UBR1: variants seen among roughly 807,000 people sequenced by gnomAD.
The protein encoded by UBR1 is E3 ubiquitin-protein ligase UBR1.
UBR1 carries 102 observed loss-of-function variants against 242.1 expected under a neutral mutation model. The observed-to-expected ratio is 0.42, with a 90% CI of 0.36 to 0.50. The LOEUF (loss-of-function observed/expected upper bound fraction) is 0.50. UBR1 is among the 20% of genes least tolerant of loss of function. The pLI is 0.01. For missense variants in UBR1, 1,772 were observed against 2,101.8 expected (o/e 0.84, Z 3.07); for synonymous variants, 675 against 684.8 (o/e 0.99, Z 0.22).
intron 7 of UBR1, 103 bp downstream of exon 7, chr15:43,059,936 GCATCTAGGTGCCC>G: frequency 6.5e-7 from 1 of 1,540,730 alleles, no homozygotes. Context: ...CCAAATCTCT[GCATCTAGGTGCCC>G]CAAACCACTT....
Position 42,989,099 on chromosome 15 carries a change from G to A in UBR1, c.3849-132C>T, listed in dbSNP as rs186045271. 140 of 741,304 alleles carry A rather than the reference G, an allele frequency of 1.9e-4. No homozygotes were observed. The African/African-American group carries it at 2.1e-3, about 11-fold the overall frequency. 45.9% of individuals were successfully genotyped at this position (741,304 alleles called of 1,614,324 possible). On this transcript the variant is annotated intron_variant, in intron 34 of 46. Coordinates refer to ENST00000290650, the MANE Select transcript of UBR1 (RefSeq NM_174916.3). ...AAGTAAACTGCTCTTTGCCAAATTA[G>A]AGATTAGAGCCTCCAAAGATTTATT...
At chr15:42,976,085 G>T (rs2032284293) in intron 39 of UBR1, among the ~76,000 whole-genome samples, 1 of 152,136 alleles carries the variant, frequency 6.6e-6, no homozygotes, top group Non-Finnish European at 1.5e-5. Context: ...CCATAATGTT[G>T]TATTACTAAT....
At chr15:42,975,386 T>C (rs1041187987) in intron 39 of UBR1, among the ~76,000 whole-genome samples, 7 of 152,232 alleles carry the variant, frequency 4.6e-5, no homozygotes, top group African/African-American at 1.7e-4. Context: ...TTTCATTATA[T>C]GGTACATCAT....
chr15:43,050,082 G>A (rs960087734), intron 12 of UBR1, among the ~76,000 whole-genome samples: 11 of 151,926 alleles, frequency 7.2e-5, no homozygotes, highest in Non-Finnish European at 1.5e-4. Flanking sequence ...CTCCTCAGTA[G>A]CTAAGACTAC....
At chr15:43,035,994 G>A (rs1276335400) in intron 19 of UBR1, among the ~76,000 whole-genome samples, 184 bp downstream of exon 19, 5 of 151,880 alleles carry the variant, frequency 3.3e-5, no homozygotes, top group Non-Finnish European at 4.4e-5. Flanking sequence ...ACGAGTTAGT[G>A]GGTGCAGCGC....
rs2033514812 is a variant in UBR1, at chr15:43,048,594, C to A, written c.1440-103G>T. Reference sequence around the variant, plus strand: ...TGTTGATTTATAAAAATTATGGATTCTAATTTCTCACAATAATTAGAAGCT... The same window carrying A: ...TGTTGATTTATAAAAATTATGGATTATAATTTCTCACAATAATTAGAAGCT... On this transcript the variant is annotated intron_variant, in intron 12 of 46. Coordinates refer to ENST00000290650, the MANE Select transcript of UBR1 (RefSeq NM_174916.3). 28 of 883,602 alleles carry A rather than the reference C, an allele frequency of 3.2e-5. 1 individual carries two copies. In the South Asian group the frequency reaches 4.1e-4, roughly 13 times the overall value. 54.7% of individuals were successfully genotyped at this position (883,602 alleles called of 1,614,324 possible).
At chr15:43,085,265 AG>A (rs1319430493) in intron 2 of UBR1, among the ~76,000 whole-genome samples, 1 of 152,262 alleles carries the variant, frequency 6.6e-6, no homozygotes, top group East Asian at 1.9e-4. Flanking sequence ...GATTTCTTAA[AG>A]AAAGATTGTG....
At chr15:43,020,121 T>A (rs2033089484) in intron 27 of UBR1, among the ~76,000 whole-genome samples, 1 of 151,460 alleles carries the variant, frequency 6.6e-6, no homozygotes, top group African/African-American at 2.4e-5. Context: ...CTCACCGCAA[T>A]CTCCACCTCC....
At chr15:43,067,656 G>A (rs1000693209) in intron 6 of UBR1, among the ~76,000 whole-genome samples, 1 of 152,116 alleles carries the variant, frequency 6.6e-6, no homozygotes, top group East Asian at 1.9e-4. Context: ...TCTTACCTAC[G>A]CTTTGCCAAA....
intron 1 of UBR1, among the ~76,000 whole-genome samples, chr15:43,088,942 A>G (rs1273778600): frequency 1.3e-5 from 2 of 151,568 alleles, no homozygotes; most frequent in East Asian, 3.9e-4. Flanking sequence ...CGGGCGGATC[A>G]CTTGAGGTTA....
chr15:43,105,841 C>G, intron 1 of UBR1, 101 bp downstream of exon 1: 3 of 1,174,894 alleles, frequency 2.6e-6, no homozygotes, highest in Non-Finnish European at 2.5e-6. Flanking sequence ...GATAACTCCC[C>G]CTCCCCAGAG....
rs1289235975 is a variant in UBR1 at position 43,059,176 on chromosome 15, G to T, written c.1002C>A (p.Ile334=). ...CTTCTCTAAGGCATGCTTGGCAAAA[G>T]ATCTGCCTAAAGTCACCTACAAACA... ...IMSYSSDFRQ[I]FCQACLREEP... The change falls in exon 9 of 47, where the codon ATC becomes ATA. Residue 334 remains isoleucine, a synonymous_variant. Transcript: ENST00000290650. The T allele has an allele frequency of 1.2e-6, 2 of 1,614,026 alleles. No individual in the cohort carries two copies. Among genetic ancestry groups the T allele is most frequent in the Non-Finnish European group, 8.5e-7 (1 of 1,179,982 alleles).
Position 43,063,685 on chromosome 15 carries a change from TA to T in UBR1, c.799-3572del, listed in dbSNP as rs1454382898. 2.4e-4 allele frequency among the ~76,000 whole-genome samples: 36 copies of T among 151,014 alleles called. No individual in the cohort carries two copies. In the Admixed American group the frequency reaches 2.4e-3, roughly 10 times the overall value. ...AAAATATGAACTTTAAAAAGAGCAC[TA>T]TTACATCTTTAAATTTTTTCAGAAT... On this transcript the variant is annotated intron_variant, in intron 6 of 46. Coordinates refer to ENST00000290650, the MANE Select transcript of UBR1 (RefSeq NM_174916.3).
chr15:43,047,022 A>G (rs1341596788), intron 14 of UBR1, 139 bp downstream of exon 14: 10 of 1,076,160 alleles, frequency 9.3e-6, no homozygotes, highest in Non-Finnish European at 1.3e-5. Flanking sequence ...CCTAAATTTA[A>G]AAAGAGAAAT....
intron 36 of UBR1, 133 bp from the exon 37 acceptor site, chr15:42,984,126 T>C (rs961792623): frequency 5.8e-6 from 3 of 514,720 alleles, no homozygotes; most frequent in Admixed American, 3.7e-5. Flanking sequence ...CCTTATATCA[T>C]TGCAAATAAA....
In UBR1 at chr15:42,945,178, C is replaced by A. The variant is rs2031711237; in HGVS notation, c.*151G>T. On this transcript the variant is annotated 3_prime_UTR_variant, in exon 47 of 47. Coordinates refer to ENST00000290650, the MANE Select transcript of UBR1 (RefSeq NM_174916.3). Reference sequence around the variant, plus strand: ...ATGTTTGCTAATTGAAAGCAATACTCCATTAAGAAATATTTTATTGATGTA... The same window carrying A: ...ATGTTTGCTAATTGAAAGCAATACTACATTAAGAAATATTTTATTGATGTA... The A allele has an allele frequency of 2.0e-6, 2 of 1,015,292 alleles. No homozygotes were observed. The highest frequency in any genetic ancestry group is 1.4e-5 in the South Asian group (1 of 70,022). The allele number at this position is 1,015,292 out of a possible 1,614,324, so 62.9% of individuals were successfully genotyped here.
At chr15:42,979,114 C>T (rs982308710) in intron 37 of UBR1, among the ~76,000 whole-genome samples, 3 of 151,676 alleles carry the variant, frequency 2.0e-5, no homozygotes, top group Non-Finnish European at 4.4e-5. Context: ...AGGATGGTCT[C>T]GATCTCTTGA....
chr15:42,970,815 C>T lies in UBR1; in HGVS notation c.4370-208G>A, dbSNP rs574245062. Among the ~76,000 whole-genome samples, 16 of 152,186 alleles carry T rather than the reference C, an allele frequency of 1.1e-4. No individual in the cohort carries two copies. In the South Asian group the frequency reaches 2.5e-3, roughly 24 times the overall value. ...TTGGCTTGCTGCAACCTCCACCTCCCGGATTCAAGCAATTCTCCTGCCTCA... is the reference window on the plus strand; with the variant it reads ...TTGGCTTGCTGCAACCTCCACCTCCTGGATTCAAGCAATTCTCCTGCCTCA... On this transcript the variant is annotated intron_variant, in intron 39 of 46. Coordinates refer to ENST00000290650, the MANE Select transcript of UBR1 (RefSeq NM_174916.3).
chr15:42,999,687 G>A lies in UBR1; in HGVS notation c.3660-1422C>T, dbSNP rs572378084. Among the ~76,000 whole-genome samples, 9 of 152,118 alleles carry A rather than the reference G, an allele frequency of 5.9e-5. No individual in the cohort carries two copies. In the South Asian group the frequency reaches 1.9e-3, roughly 32 times the overall value. ...TACAAAAAATACAAAAATTAGTGGGGTGTGGTGACACATGCCTGTGGTCCC... is the reference window on the plus strand; with the variant it reads ...TACAAAAAATACAAAAATTAGTGGGATGTGGTGACACATGCCTGTGGTCCC... On this transcript the variant is annotated intron_variant, in intron 32 of 46. Coordinates refer to ENST00000290650, the MANE Select transcript of UBR1 (RefSeq NM_174916.3).
Sources: allele counts gnomAD v4.1 joint callset (sites outside exome capture counted in the v4.1 genomes callset), GRCh38; gene constraint gnomAD v4.1.1; transcripts MANE v1.5; gene names NCBI Gene and HGNC (gene_info 2026-07-23, HGNC 2026-07-21).